The following PCGF6 variants were observed in gnomAD, a reference collection of about 807,000 sequenced individuals.
PCGF6 encodes the protein polycomb group ring finger 6, also known as polycomb group RING finger protein 6.
Under a neutral mutation model 45.5 loss-of-function variants are expected in PCGF6, and 24 were observed. That is an observed-to-expected ratio of 0.53 (90% CI 0.38 to 0.74). PCGF6 has a LOEUF of 0.74. Ranked by LOEUF, PCGF6 falls within the 30% of genes least tolerant of loss-of-function variation. The pLI is 0.00. For synonymous variants in PCGF6, 152 were observed against 162.1 expected (o/e 0.94, Z 0.47); for missense variants, 356 against 443.2 (o/e 0.80, Z 1.77).
chr10:103,316,017 G>T (rs745533329), intron 8 of PCGF6, among the ~76,000 whole-genome samples: 5,581 of 121,148 alleles, frequency 0.046, 112 homozygotes, highest in East Asian at 0.097. Flanking sequence ...TATATATAGA[G>T]AGAGAGAGAG....
rs372617447 is a variant in PCGF6, at chr10:103,335,650, G to A, written c.783-1698C>T. 7.3e-5 allele frequency among the ~76,000 whole-genome samples: 11 copies of A among 151,346 alleles called. No homozygotes were observed. The East Asian group carries it at 8.0e-4, about 11-fold the overall frequency. On this transcript the variant is annotated intron_variant, in intron 6 of 9. Coordinates refer to ENST00000369847, the MANE Select transcript of PCGF6 (RefSeq NM_001011663.2). ...TGCTAGGATTACAGGAGTGAGCCACGGTGCCCAGCAAAGTACTCTTTGTAA... is the reference window on the plus strand; with the variant it reads ...TGCTAGGATTACAGGAGTGAGCCACAGTGCCCAGCAAAGTACTCTTTGTAA...
intron 9 of PCGF6, chr10:103,312,560 G>A (rs1028258839): frequency 3.8e-4 from 59 of 153,290 alleles, no homozygotes; most frequent in African/African-American, 1.4e-3. Context: ...CACAGCAGAA[G>A]CCCTTTTTTC....
intron 7 of PCGF6, among the ~76,000 whole-genome samples, chr10:103,329,263 C>T (rs927082777): frequency 6.0e-5 from 9 of 150,048 alleles, no homozygotes; most frequent in Admixed American, 3.3e-4. Context: ...TGGTCTCAAA[C>T]TCCTGACCTC....
Position 103,348,956 on chromosome 10 carries a change from G to A in PCGF6, c.404C>T (p.Ser135Phe), listed in dbSNP as rs1322542794. The change falls in exon 2 of 10, where the codon TCC becomes TTC. Residue 135 changes from serine to phenylalanine, a missense_variant. Physicochemically the swap from Ser to Phe is radical, Grantham distance 155 (BLOSUM62 -2). Around this residue, in one of 2 missense-constraint regions of PCGF6, gnomAD observed 307 missense variants for 350.1 expected, o/e 0.88. Coordinates refer to ENST00000369847, the MANE Select transcript of PCGF6 (RefSeq NM_001011663.2). Reference protein sequence around the residue: ...LSELTPYILCSICKGYLIDAT... With the variant: ...LSELTPYILCFICKGYLIDAT... ...ATCTATTAAGTAACCTTTGCAAATG[G>A]AACACAAGATGTATGGGGTCAGCTC... 1 of 1,613,952 alleles carries A rather than the reference G, an allele frequency of 6.2e-7. No individual in the cohort carries two copies.
At chr10:103,305,405 G>T (rs2093134672) in intron 9 of PCGF6, among the ~76,000 whole-genome samples, 1 of 151,954 alleles carries the variant, frequency 6.6e-6, no homozygotes, top group Admixed American at 6.6e-5. Context: ...TGACCAGCTG[G>T]AACGACAGGG....
chr10:103,349,033 G>C (rs747406397), intron 1 of PCGF6, 34 bp from the exon 2 acceptor site: 6 of 1,526,222 alleles, frequency 3.9e-6, no homozygotes, highest in Non-Finnish European at 5.4e-6. Flanking sequence ...TAAAATACAA[G>C]TCCTTGCCTT....
intron 5 of PCGF6, among the ~76,000 whole-genome samples, chr10:103,346,345 G>C (rs1190748424): frequency 1.3e-5 from 2 of 151,840 alleles, no homozygotes; most frequent in Non-Finnish European, 2.9e-5. Flanking sequence ...TACAAAATTG[G>C]CCAGGCACAG....
chr10:103,321,891 T>C (rs1225850265), intron 8 of PCGF6, among the ~76,000 whole-genome samples: 2 of 151,934 alleles, frequency 1.3e-5, no homozygotes, highest in African/African-American at 4.8e-5. Flanking sequence ...TATTATTTAT[T>C]TCATTTCACT....
At chr10:103,314,954 T>TA (rs60182387) in intron 8 of PCGF6, among the ~76,000 whole-genome samples, 21,297 of 57,294 alleles carry the variant, frequency 0.37, 5,522 homozygotes, top group South Asian at 0.52. Context: ...GACTCTGTCA[T>TA]AAAAAAAAAA....
chr10:103,305,110 G>A (rs542809283), intron 9 of PCGF6, among the ~76,000 whole-genome samples: 4 of 151,740 alleles, frequency 2.6e-5, no homozygotes, highest in Admixed American at 1.3e-4. Flanking sequence ...CCACACACAC[G>A]CATGTGCCAC....
chr10:103,341,099 G>A (rs1346977835), intron 6 of PCGF6, among the ~76,000 whole-genome samples: 1 of 151,526 alleles, frequency 6.6e-6, no homozygotes, highest in African/African-American at 2.4e-5. Context: ...CATGGTGGCT[G>A]GCACCTGTAA....
At chr10:103,304,803 G>T (rs113278560) in intron 9 of PCGF6, among the ~76,000 whole-genome samples, 204 of 152,034 alleles carry the variant, frequency 1.3e-3, no homozygotes, top group African/African-American at 3.8e-3. Flanking sequence ...AAATAGACAC[G>T]CACCACCACC....
chr10:103,310,686 A>C (rs2093154109), intron 9 of PCGF6, among the ~76,000 whole-genome samples: 1 of 152,104 alleles, frequency 6.6e-6, no homozygotes, highest in Non-Finnish European at 1.5e-5. Flanking sequence ...TATACCAAAA[A>C]AAAAAATATT....
intron 1 of PCGF6, among the ~76,000 whole-genome samples, chr10:103,350,410 G>C (rs1400555523): frequency 6.6e-6 from 1 of 152,234 alleles, no homozygotes; most frequent in Non-Finnish European, 1.5e-5. Context: ...CTGCACTCCA[G>C]CCTGGGAGAC....
rs370151370 is a variant in PCGF6 at position 103,329,736 on chromosome 10, G to A, written c.811-3104C>T. The stretch of plus-strand genomic sequence containing the variant: ...GATCTGCCCACCTCAGCCTCCCAAA[G>A]TGCTGGGATTATAGGTGTGAGCCAC... On this transcript the variant is annotated intron_variant, in intron 7 of 9. Transcript: ENST00000369847. Among the ~76,000 whole-genome samples the A allele has an allele frequency of 1.3e-3, 201 of 152,174 alleles. 1 individual carries two copies. The highest frequency in any genetic ancestry group is 4.7e-3 in the African/African-American group (195 of 41,522).
At chr10:103,323,832 G>A (rs1340348051) in intron 8 of PCGF6, among the ~76,000 whole-genome samples, 3 of 152,114 alleles carry the variant, frequency 2.0e-5, no homozygotes, top group Non-Finnish European at 2.9e-5. Context: ...TGATCCACCT[G>A]CCTCGACCTC....
At chr10:103,339,816 C>A (rs1180967910) in intron 6 of PCGF6, among the ~76,000 whole-genome samples, 3,257 of 17,604 alleles carry the variant, frequency 0.19, 203 homozygotes, top group Middle Eastern at 0.42. Context: ...AAAAAACACA[C>A]ACACACACAC....
intron 9 of PCGF6, among the ~76,000 whole-genome samples, chr10:103,304,312 C>A (rs1203182164): frequency 1.3e-5 from 2 of 150,454 alleles, no homozygotes; most frequent in African/African-American, 4.9e-5. Flanking sequence ...AATTTTTGTA[C>A]GTATGTATCA....
At chr10:103,347,091 T>C (rs2093302394) in intron 5 of PCGF6, 147 bp downstream of exon 5, 1 of 583,384 alleles carries the variant, frequency 1.7e-6, no homozygotes, top group Non-Finnish European at 2.9e-6. Context: ...CTAATTTTTA[T>C]AAATAAATTG....
Sources: allele counts gnomAD v4.1 joint callset (sites outside exome capture counted in the v4.1 genomes callset), GRCh38; gene constraint gnomAD v4.1.1; regional missense constraint gnomAD v4.1.1; transcripts MANE v1.5; gene names NCBI Gene and HGNC (gene_info 2026-07-23, HGNC 2026-07-21).